The following CBFA2T3 variants were observed in gnomAD, a reference collection of about 807,000 sequenced individuals.
CBFA2T3 encodes the protein transcriptional corepressor CBFA2T3.
A neutral mutation model predicts 58.6 loss-of-function variants in CBFA2T3; 31 were observed. That is an observed-to-expected ratio of 0.53 (90% CI 0.40 to 0.71). The LOEUF (loss-of-function observed/expected upper bound fraction) is 0.71. CBFA2T3 is among the 30% of genes least tolerant of loss of function. The pLI, the probability that CBFA2T3 is intolerant of heterozygous loss-of-function variation, is 0.00. For synonymous variants in CBFA2T3, 531 were observed against 421.9 expected (o/e 1.26, Z -3.17); for missense variants, 1,076 against 963.1 (o/e 1.12, Z -1.55).
chr16:88,894,716 G>C (rs989790989), intron 3 of CBFA2T3, among the ~76,000 whole-genome samples: 2 of 152,234 alleles, frequency 1.3e-5, no homozygotes, highest in African/African-American at 2.4e-5. Flanking sequence ...CCCGTGCTGA[G>C]AGTGTGGGTC....
intron 3 of CBFA2T3, 105 bp downstream of exon 3, chr16:88,897,973 C>G (rs1022443120): frequency 1.2e-6 from 1 of 837,284 alleles, no homozygotes; most frequent in African/African-American, 1.7e-5. Context: ...GGTGCGGAGG[C>G]CGGGGAGGAG....
chr16:88,975,902 G>A (rs537970160), intron 1 of CBFA2T3, among the ~76,000 whole-genome samples: 43 of 152,378 alleles, frequency 2.8e-4, no homozygotes, highest in East Asian at 5.8e-4. Flanking sequence ...TGAGAGCCCC[G>A]CGAGACGGGA....
At chr16:88,907,788 C>T (rs959050966) in intron 1 of CBFA2T3, among the ~76,000 whole-genome samples, 1 of 152,244 alleles carries the variant, frequency 6.6e-6, no homozygotes, top group Non-Finnish European at 1.5e-5. Context: ...TAATTGTCCC[C>T]TCACCCCAGA....
At chr16:88,968,268 T>G (rs7403922) in intron 1 of CBFA2T3, among the ~76,000 whole-genome samples, 17 of 152,206 alleles carry the variant, frequency 1.1e-4, no homozygotes, top group African/African-American at 2.4e-4. Flanking sequence ...AGGGGCTCAG[T>G]AGGGAGGGGC....
At chr16:88,899,161 T>A (rs1481463459) in intron 2 of CBFA2T3, among the ~76,000 whole-genome samples, 1 of 146,956 alleles carries the variant, frequency 6.8e-6, no homozygotes, top group African/African-American at 2.5e-5. Context: ...GGCCCTCAAG[T>A]CTCCGTTCAG....
chr16:88,902,793 G>A (rs1470873894), intron 1 of CBFA2T3, among the ~76,000 whole-genome samples: 1 of 152,178 alleles, frequency 6.6e-6, no homozygotes, highest in East Asian at 1.9e-4. Flanking sequence ...CAGCAAGGTA[G>A]GCATCCTCAA....
intron 11 of CBFA2T3, among the ~76,000 whole-genome samples, chr16:88,878,177 ACTC>A (rs1968915160): frequency 6.6e-6 from 1 of 151,308 alleles, no homozygotes; most frequent in African/African-American, 2.4e-5. Context: ...CCACAGCCCC[ACTC>A]CCCACACACT....
At chr16:88,921,367 C>T (rs903516931) in intron 1 of CBFA2T3, among the ~76,000 whole-genome samples, 9 of 152,236 alleles carry the variant, frequency 5.9e-5, no homozygotes, top group Non-Finnish European at 1.0e-4. Flanking sequence ...GCCGATCCTC[C>T]GTGCCACGCC....
rs146692879 is a variant in CBFA2T3 at position 88,965,712 on chromosome 16, T to A, written c.151+10945A>T. ...GATACCTGTCATGTTTGAAAACCTC[T>A]CTAGTGGCTCCTGGGCCACCATTAT... On this transcript the variant is annotated intron_variant, in intron 1 of 11. Transcript: ENST00000268679. Among the ~76,000 whole-genome samples, 464 of 152,320 alleles carry A rather than the reference T, an allele frequency of 3.0e-3. 5 individuals are homozygous for A. The highest frequency in any genetic ancestry group is 0.02 in the East Asian group (104 of 5,184).
At chr16:88,943,812 C>T (rs544973820) in intron 1 of CBFA2T3, among the ~76,000 whole-genome samples, 5 of 152,286 alleles carry the variant, frequency 3.3e-5, no homozygotes, top group African/African-American at 7.2e-5. Flanking sequence ...CTGGGCATTT[C>T]GAGGGGACAT....
Position 88,876,261 on chromosome 16 carries a change from T to G in CBFA2T3, c.*715A>C, listed in dbSNP as rs138203251. The G allele has an allele frequency of 1.0e-3, 229 of 229,146 alleles. 2 individuals are homozygous for G. Among genetic ancestry groups the G allele is most frequent in the African/African-American group, 4.7e-3 (211 of 45,196 alleles). 14.2% of individuals were successfully genotyped at this position (229,146 alleles called of 1,614,324 possible). A position where few individuals can be genotyped will look rare whatever the true frequency, so the allele number is the denominator to read the frequency against. On this transcript the variant is annotated 3_prime_UTR_variant, in exon 12 of 12. Coordinates refer to ENST00000268679, the MANE Select transcript of CBFA2T3 (RefSeq NM_005187.6). ...TTTTTAAAAAAACTTTTTGGATTTT[T>G]ACTTAAAGCCAAAGAGTTTAACATT...
chr16:88,892,350 C>T lies in CBFA2T3; in HGVS notation c.515G>A (p.Arg172Gln), dbSNP rs370027238. 75 of 1,613,122 alleles carry T rather than the reference C, an allele frequency of 4.6e-5. No individual in the cohort carries two copies. The highest frequency in any genetic ancestry group is 5.8e-5 in the Non-Finnish European group (68 of 1,179,952). The stretch of plus-strand genomic sequence containing the variant: ...GAAGCGCTTGAGCTTGCTGAGCTGC[C>T]GGGCCCCGCAGGCTGGGGGCAGGTG... ...TQHLPPACGA[R>Q]QLSKLKRFLT... Residue 172 changes from arginine (R) to glutamine (Q), a missense_variant, in exon 4 of 12, where the codon CGG becomes CAG. Transcript: ENST00000268679.
intron 1 of CBFA2T3, among the ~76,000 whole-genome samples, chr16:88,964,073 C>T (rs1972433518): frequency 6.6e-6 from 1 of 152,216 alleles, no homozygotes; most frequent in Non-Finnish European, 1.5e-5. Flanking sequence ...CTTTAAAGGG[C>T]CACGCACACA....
chr16:88,882,393 CTG>C (rs531201720), intron 8 of CBFA2T3, among the ~76,000 whole-genome samples: 3 of 146,292 alleles, frequency 2.1e-5, no homozygotes, highest in African/African-American at 5.1e-5. Context: ...ATGGGTATGG[CTG>C]TGTGTGTGGG....
At chr16:88,941,792 G>C (rs1213994094) in intron 1 of CBFA2T3, 3 of 149,402 alleles carry the variant, frequency 2.0e-5, no homozygotes, top group African/African-American at 7.3e-5. Context: ...CGGCGGCCGC[G>C]GGCCTCGCAG....
At chr16:88,923,806 T>C (rs1440659252) in intron 1 of CBFA2T3, among the ~76,000 whole-genome samples, 1 of 152,166 alleles carries the variant, frequency 6.6e-6, no homozygotes, top group Non-Finnish European at 1.5e-5. Flanking sequence ...GGGGAGGCTC[T>C]GGGAAAGACC....
chr16:88,879,429 G>A lies in CBFA2T3; in HGVS notation c.1503C>T (p.Ala501=). 2 of 1,612,864 alleles carry A rather than the reference G, an allele frequency of 1.2e-6. No individual in the cohort carries two copies. Among genetic ancestry groups the A allele is most frequent in the Non-Finnish European group, 1.7e-6 (2 of 1,179,498 alleles). Residue 501 remains alanine (A), a synonymous_variant, in exon 11 of 12, where the codon GCC becomes GCT. Transcript: ENST00000268679. ...ACACGGCTTTCTGCAGCTCCGACAT[G>A]GCCTGCCGCTTCACCTCATTCACGG... is the stretch of plus-strand genomic sequence containing the variant. ...EEAVNEVKRQ[A]MSELQKAVSD...
chr16:88,876,324 A>C lies in CBFA2T3; in HGVS notation c.*652T>G, dbSNP rs1040795244. 1 of 228,194 alleles carries C rather than the reference A, an allele frequency of 4.4e-6. No homozygotes were observed. Among genetic ancestry groups the C allele is most frequent in the Admixed American group, 5.7e-5 (1 of 17,606 alleles). The allele number at this position is 228,194 out of a possible 1,614,324, so 14.1% of individuals were successfully genotyped here. ...AATCTGAAACCAAAAATGCATCTTG[A>C]GTCAGAAATCGAAATCTTTCCTCCC... On this transcript the variant is annotated 3_prime_UTR_variant, in exon 12 of 12. Transcript: ENST00000268679.
At chr16:88,916,142 G>A (rs1483424787) in intron 1 of CBFA2T3, among the ~76,000 whole-genome samples, 1 of 150,420 alleles carries the variant, frequency 6.6e-6, no homozygotes, top group African/African-American at 2.5e-5. Flanking sequence ...GTGTACATGT[G>A]GGTGTGTGTG....
Sources: gnomAD v4.1 joint callset for allele counts (sites outside exome capture counted in the v4.1 genomes callset) on GRCh38, gnomAD v4.1.1 for gene constraint, MANE v1.5 for transcripts, NCBI Gene and HGNC (gene_info 2026-07-23, HGNC 2026-07-21) for gene names.